Variants in ANK1 observed in about 807,000 individuals in gnomAD.
ANK1 encodes the protein ankyrin-1.
Under a neutral mutation model 210.4 loss-of-function variants are expected in ANK1, and 51 were observed. The ratio of observed to expected loss-of-function variants is 0.24; its 90% CI spans 0.19 to 0.31. ANK1 has a LOEUF of 0.31. Among genes scored for constraint, ANK1 ranks in the 10% least tolerant of loss-of-function variants. The pLI, the probability that ANK1 is intolerant of heterozygous loss-of-function variation, is 1.00. For missense variants in ANK1, 2,051 were observed against 2,504.4 expected (o/e 0.82, Z 3.86); for synonymous variants, 967 against 1,025.9 (o/e 0.94, Z 1.10).
At chr8:41,893,604 G>A (rs1819871643) in intron 1 of ANK1, among the ~76,000 whole-genome samples, 1 of 152,252 alleles carries the variant, frequency 6.6e-6, no homozygotes, top group African/African-American at 2.4e-5. Flanking sequence ...GAGGGATGCG[G>A]TTCTGCTCAG....
chr8:41,855,609 G>T (rs1812046116), intron 1 of ANK1, among the ~76,000 whole-genome samples: 1 of 152,150 alleles, frequency 6.6e-6, no homozygotes. Context: ...TGAGAAAAAA[G>T]TCAGGAGAAA....
chr8:41,866,314 C>T (rs1026835224), intron 1 of ANK1, among the ~76,000 whole-genome samples: 2 of 152,196 alleles, frequency 1.3e-5, no homozygotes, highest in African/African-American at 2.4e-5. Context: ...CTCGACTTCC[C>T]GGGTAGCTGA....
chr8:41,802,961 GAGA>G (rs1850149362), intron 1 of ANK1, among the ~76,000 whole-genome samples: 1 of 22,920 alleles, frequency 4.4e-5, no homozygotes, highest in Non-Finnish European at 1.7e-4. Context: ...GGGGGGGGGA[GAGA>G]GAGAGAGATG....
In ANK1 at chr8:41,847,052, C is replaced by T. The variant is rs144717870; in HGVS notation, c.126+49303G>A. Among the ~76,000 whole-genome samples the T allele has an allele frequency of 3.8e-3, 579 of 152,360 alleles. 4 individuals carry two copies. Among genetic ancestry groups the T allele is most frequent in the African/African-American group, 0.013 (528 of 41,582 alleles). Reference sequence around the variant, plus strand: ...AAAGCAAAACAATGTGACTTTCTCACCTTCCAGTGAAGAAACTGAGATTTA... The same window carrying T: ...AAAGCAAAACAATGTGACTTTCTCATCTTCCAGTGAAGAAACTGAGATTTA... On this transcript the variant is annotated intron_variant, in intron 1 of 42. Transcript: ENST00000265709.
At chr8:41,679,730 T>A (rs1296811098) in intron 37 of ANK1, among the ~76,000 whole-genome samples, 2 of 150,280 alleles carry the variant, frequency 1.3e-5, no homozygotes, top group African/African-American at 4.9e-5. Flanking sequence ...GCCAGGCTAA[T>A]TTTTTTTGTA....
intron 1 of ANK1, among the ~76,000 whole-genome samples, chr8:41,832,256 G>A (rs1045974672): frequency 6.6e-5 from 10 of 152,056 alleles, no homozygotes; most frequent in South Asian, 2.1e-4. Flanking sequence ...GGGGAGAGAC[G>A]GGGAAAGAGA....
At chr8:41,703,450 A>ATATATATATATATATAT (rs59985416) in intron 20 of ANK1, among the ~76,000 whole-genome samples, 11 of 58,808 alleles carry the variant, frequency 1.9e-4, no homozygotes, top group Admixed American at 2.4e-4. Context: ...ATATATATAT[A>ATATATATATATATATAT]TTTTTTTTTT....
At position 41,811,292 on chromosome 8, in the gene ANK1, T is replaced by G. The variant is rs144147940; in HGVS notation, c.127-53155A>C. ...TTCAAAGTTTAATTATAAACTAAAT[T>G]CCTCTCATAGTTATCTTGGCCTCCA... On this transcript the variant is annotated intron_variant, in intron 1 of 42. Coordinates refer to the ANK1 transcript ENST00000265709. Among the ~76,000 whole-genome samples the G allele has an allele frequency of 5.2e-3, 799 of 152,276 alleles. 8 individuals carry two copies. Among genetic ancestry groups the G allele is most frequent in the Middle Eastern group, 0.014 (4 of 294 alleles).
chr8:41,836,037 C>T (rs1360924748), intron 1 of ANK1, among the ~76,000 whole-genome samples: 1 of 152,162 alleles, frequency 6.6e-6, no homozygotes, highest in Non-Finnish European at 1.5e-5. Context: ...CTCTCTGGGC[C>T]GTGTCCAGCA....
intron 2 of ANK1, among the ~76,000 whole-genome samples, chr8:41,753,868 T>G (rs1292713962): frequency 6.6e-6 from 1 of 152,204 alleles, no homozygotes; most frequent in African/African-American, 2.4e-5. Context: ...CCTTCAACCC[T>G]CTGCTCCTTT....
Position 41,725,776 on chromosome 8 carries a change from C to T in ANK1, c.597G>A (p.Pro199=), listed in dbSNP as rs2304873. The change falls in exon 6 of 43, where the codon CCG becomes CCA. Residue 199 remains proline (P), a synonymous_variant. Transcript: ENST00000289734. ...AAVLLQNDPN[P]DVLSKTGFTP... ...TCGCCCTCACCTTGGAAAGCACGTCCGGGTTGGGGTCGTTCTGCAGCAGCA... is the reference window on the plus strand; with the variant it reads ...TCGCCCTCACCTTGGAAAGCACGTCTGGGTTGGGGTCGTTCTGCAGCAGCA... 216,304 of 1,609,872 alleles carry T rather than the reference C, an allele frequency of 0.13. 15,481 individuals are homozygous for T. The highest frequency in any genetic ancestry group is 0.19 in the South Asian group (17,628 of 90,694).
In ANK1 at chr8:41,728,804, G is replaced by A. The variant is rs865776010; in HGVS notation, c.229-798C>T. On this transcript the variant is annotated intron_variant, in intron 3 of 42. Transcript: ENST00000289734. ...AACTTCTGAACATCTAATCTGCTGT[G>A]TGCGTGCAGCGTCCTGTCCCCAGCA... Among the ~76,000 whole-genome samples, 18 of 152,366 alleles carry A rather than the reference G, an allele frequency of 1.2e-4. No individual in the cohort carries two copies. The East Asian group carries it at 2.1e-3, about 18-fold the overall frequency.
At chr8:41,725,987 C>G in intron 5 of ANK1, 41 bp from the exon 6 acceptor site, 1 of 1,599,364 alleles carries the variant, frequency 6.3e-7, no homozygotes, top group South Asian at 1.1e-5. Flanking sequence ...ACTCGTCTGA[C>G]GCCAGCCGCC....
chr8:41,866,844 A>T (rs559922748), intron 1 of ANK1, among the ~76,000 whole-genome samples: 2 of 152,204 alleles, frequency 1.3e-5, no homozygotes, highest in South Asian at 4.1e-4. Context: ...CATTTTCTTT[A>T]TCCACTCACC....
At chr8:41,848,758 C>T (rs751412613) in intron 1 of ANK1, among the ~76,000 whole-genome samples, 1 of 152,224 alleles carries the variant, frequency 6.6e-6, no homozygotes, top group Non-Finnish European at 1.5e-5. Context: ...TGATCTCATG[C>T]AATCCTTATA....
Position 41,727,953 on chromosome 8 carries a change from G to A in ANK1, c.282C>T (p.Val94=). 3 of 1,614,178 alleles carry A rather than the reference G, an allele frequency of 1.9e-6. No individual in the cohort carries two copies. Among genetic ancestry groups the A allele is most frequent in the Non-Finnish European group, 1.7e-6 (2 of 1,180,028 alleles). The change falls in exon 4 of 43, where the codon GTC becomes GTT. Residue 94 remains valine, a synonymous_variant. Coordinates refer to ENST00000289734, the MANE Select transcript of ANK1 (RefSeq NM_000037.4). ...IAALAGQDEV[V]RELVNYGANV... is the part of the protein sequence containing the mutation. ...TGGCTCCATAGTTGACAAGCTCCCG[G>A]ACCACCTCATCCTGCCCGGCTAGAG...
At chr8:41,895,303 C>T (rs1820261784) in intron 1 of ANK1, among the ~76,000 whole-genome samples, 1 of 152,004 alleles carries the variant, frequency 6.6e-6, no homozygotes, top group South Asian at 2.1e-4. Context: ...TCGACTTCTT[C>T]GGGTGAAAAT....
intron 1 of ANK1, among the ~76,000 whole-genome samples, chr8:41,766,894 C>A (rs1263612071): frequency 6.6e-6 from 1 of 152,210 alleles, no homozygotes; most frequent in Non-Finnish European, 1.5e-5. Context: ...GCCAGACGTG[C>A]CGCAAGCCAG....
chr8:41,775,366 G>A (rs147334751), intron 1 of ANK1, among the ~76,000 whole-genome samples: 4 of 152,226 alleles, frequency 2.6e-5, no homozygotes, highest in Non-Finnish European at 4.4e-5. Flanking sequence ...GATTCCAGAG[G>A]GGCTTGTGAC....
Sources: gnomAD v4.1 joint callset for allele counts (sites outside exome capture counted in the v4.1 genomes callset) on GRCh38, gnomAD v4.1.1 for gene constraint, MANE v1.5 for transcripts, NCBI Gene and HGNC (gene_info 2026-07-23, HGNC 2026-07-21) for gene names.